Variants in CD99L2 observed in about 807,000 individuals in gnomAD.
CD99L2 encodes CD99 molecule like 2, also known as CD99 antigen-like protein 2.
A neutral mutation model predicts 27.3 loss-of-function variants in CD99L2; 24 were observed. The ratio of observed to expected loss-of-function variants is 0.88; its 90% CI spans 0.64 to 1.24. The LOEUF (loss-of-function observed/expected upper bound fraction) is 1.24. Ranked by LOEUF, CD99L2 falls within the 50% of genes most tolerant of loss-of-function variation. The probability of loss-of-function intolerance (pLI) is 0.00; values close to 1 mark genes in which losing one functional copy is unlikely to be tolerated. For missense variants in CD99L2, 255 were observed against 221.6 expected (o/e 1.15, Z -0.96); for synonymous variants, 97 against 87.9 (o/e 1.10, Z -0.58).
chrX:150,820,663 C>T (rs1189438046), intron 2 of CD99L2, among the ~76,000 whole-genome samples: 1 of 111,455 alleles, frequency 9.0e-6, no homozygotes. Flanking sequence ...AATGGAAGTT[C>T]TAACTAGAGC....
At chrX:150,802,322 G>A (rs1488831653) in intron 4 of CD99L2, among the ~76,000 whole-genome samples, 1 of 110,701 alleles carries the variant, frequency 9.0e-6, no homozygotes, top group South Asian at 3.9e-4. Context: ...CCAGCACTTT[G>A]AGAGGCCAAA....
intron 2 of CD99L2, among the ~76,000 whole-genome samples, chrX:150,821,496 A>C (rs1214940770): frequency 8.9e-6 from 1 of 112,066 alleles, no homozygotes; most frequent in African/African-American, 3.2e-5. Context: ...CTCACCATAT[A>C]CAAAAATTAA....
At chrX:150,885,853 TG>T (rs2047401069) in intron 1 of CD99L2, among the ~76,000 whole-genome samples, 2 of 112,422 alleles carry the variant, frequency 1.8e-5, no homozygotes, top group Admixed American at 9.4e-5. Flanking sequence ...TCTTTTTCAC[TG>T]GTTCGCAGAA....
At chrX:150,780,327 T>C (rs1208924712) in intron 7 of CD99L2, among the ~76,000 whole-genome samples, 2 of 111,821 alleles carry the variant, frequency 1.8e-5, no homozygotes, top group Non-Finnish European at 3.8e-5. Context: ...TGTGAAGAAA[T>C]TGGAACCCCT....
At chrX:150,795,356 T>C in intron 5 of CD99L2, 62 bp downstream of exon 5, 1 of 1,205,773 alleles carries the variant, frequency 8.3e-7, no homozygotes, top group Non-Finnish European at 1.1e-6. Flanking sequence ...ATTTGGATCC[T>C]GTCTCAGAGG....
chrX:150,871,625 T>C (rs192905368), intron 1 of CD99L2, among the ~76,000 whole-genome samples: 1 of 112,104 alleles, frequency 8.9e-6, no homozygotes, highest in East Asian at 2.8e-4. Flanking sequence ...GTCAGCAATC[T>C]CACTCCTAGG....
At chrX:150,849,687 G>A (rs1461254474) in intron 1 of CD99L2, among the ~76,000 whole-genome samples, 1 of 111,167 alleles carries the variant, frequency 9.0e-6, no homozygotes, top group East Asian at 2.8e-4. Flanking sequence ...GTCTCAAATT[G>A]AAACTATACA....
intron 7 of CD99L2, among the ~76,000 whole-genome samples, chrX:150,782,834 A>G (rs1414304825): frequency 9.0e-6 from 1 of 111,205 alleles, no homozygotes; most frequent in East Asian, 2.8e-4. Flanking sequence ...ATTGGGGGTT[A>G]GGGTTTCAAC....
intron 7 of CD99L2, among the ~76,000 whole-genome samples, chrX:150,790,916 GTGA>G (rs1299338580): frequency 8.9e-5 from 10 of 111,846 alleles, no homozygotes; most frequent in Non-Finnish European, 1.7e-4. Flanking sequence ...AACCTCCAAT[GTGA>G]TGATATTAGG....
At chrX:150,803,473 CCTTAAAAGAA>C (rs1298092586) in intron 4 of CD99L2, among the ~76,000 whole-genome samples, 3 of 111,477 alleles carry the variant, frequency 2.7e-5, no homozygotes, top group Non-Finnish European at 5.7e-5. Context: ...CCTAGAAGAA[CCTTAAAAGAA>C]CTTGACAAAG....
chrX:150,770,093 C>G (rs1557418970), intron 10 of CD99L2, among the ~76,000 whole-genome samples: 2 of 113,066 alleles, frequency 1.8e-5, no homozygotes, highest in East Asian at 5.6e-4. Flanking sequence ...CCAGAAGTCA[C>G]AGGCATGGCA....
intron 1 of CD99L2, among the ~76,000 whole-genome samples, chrX:150,846,054 T>G (rs1477830041): frequency 1.8e-5 from 2 of 111,437 alleles, no homozygotes; most frequent in Non-Finnish European, 3.8e-5. Context: ...GAGCCAGGCA[T>G]GGTGGCATAT....
intron 1 of CD99L2, among the ~76,000 whole-genome samples, chrX:150,896,539 T>C (rs1382380430): frequency 1.8e-5 from 2 of 112,430 alleles, no homozygotes; most frequent in African/African-American, 6.5e-5. Flanking sequence ...TGATAATATC[T>C]AGCCTGCAAA....
chrX:150,897,071 T>C (rs1476318103), intron 1 of CD99L2, among the ~76,000 whole-genome samples: 1 of 112,619 alleles, frequency 8.9e-6, no homozygotes, highest in Non-Finnish European at 1.9e-5. Flanking sequence ...TTTGTGCTTC[T>C]ACTTTCAAGA....
At chrX:150,829,551 G>A (rs187091748) in intron 2 of CD99L2, 7 of 327,023 alleles carry the variant, frequency 2.1e-5, no homozygotes, top group African/African-American at 1.9e-4. Context: ...AACAGTGACA[G>A]AATAAAGTTC....
intron 1 of CD99L2, among the ~76,000 whole-genome samples, chrX:150,838,482 A>G (rs1342915399): frequency 9.0e-6 from 1 of 111,517 alleles, no homozygotes; most frequent in Non-Finnish European, 1.9e-5. Context: ...CTAGCTTTGC[A>G]ATTTTTCTGT....
intron 1 of CD99L2, among the ~76,000 whole-genome samples, chrX:150,856,610 C>T (rs192660270): frequency 1.0e-3 from 105 of 103,816 alleles, no homozygotes; most frequent in Admixed American, 2.1e-3. Flanking sequence ...AAAGACTACA[C>T]GCTGTGTGAT....
intron 1 of CD99L2, among the ~76,000 whole-genome samples, chrX:150,870,333 C>T (rs1422228001): frequency 9.0e-6 from 1 of 111,596 alleles, no homozygotes; most frequent in Non-Finnish European, 1.9e-5. Flanking sequence ...GACAGGCGGA[C>T]GAATTACAGA....
chrX:150,884,627 GAGCT>G lies in CD99L2; in HGVS notation c.67+13891_67+13894del, dbSNP rs782469576. Among the ~76,000 whole-genome samples, 37 of 112,136 alleles carry G rather than the reference GAGCT, an allele frequency of 3.3e-4. No individual in the cohort carries two copies. The East Asian group carries it at 7.6e-3, about 23-fold the overall frequency. On this transcript the variant is annotated intron_variant, in intron 1 of 10. Transcript: ENST00000370377. The stretch of plus-strand genomic sequence containing the variant: ...GAGCCCGGGAAGTGGAGGTTGCAGT[GAGCT>G]GAGAATGCACCACTGCACTCCAGCC...
Sources: allele counts gnomAD v4.1 joint callset (sites outside exome capture counted in the v4.1 genomes callset), GRCh38; gene constraint gnomAD v4.1.1; transcripts MANE v1.5; gene names NCBI Gene and HGNC (gene_info 2026-07-23, HGNC 2026-07-21).